Variants in DCC observed in about 807,000 individuals in gnomAD.
The protein encoded by DCC is DCC netrin 1 receptor.
A neutral mutation model predicts 172.5 loss-of-function variants in DCC; 58 were observed. That is an observed-to-expected ratio of 0.34 (90% CI 0.27 to 0.42). The LOEUF (loss-of-function observed/expected upper bound fraction) is 0.42. Ranked by LOEUF, DCC falls within the 10% of genes least tolerant of loss-of-function variation. DCC has a pLI of 1.00. For missense variants in DCC, 1,740 were observed against 1,791.0 expected, an observed-to-expected ratio of 0.97 and a Z score of 0.51; for synonymous variants, 709 against 644.5, an observed-to-expected ratio of 1.10 and a Z score of -1.52.
chr18:53,112,282 A>T (rs1437888436), intron 7 of DCC, among the ~76,000 whole-genome samples: 3 of 150,104 alleles, frequency 2.0e-5, no homozygotes, highest in African/African-American at 7.4e-5. Context: ...TTATAATACT[A>T]AAAAAAAAGT....
At chr18:53,501,481 T>C (rs1041090502) in intron 27 of DCC, among the ~76,000 whole-genome samples, 5 of 152,120 alleles carry the variant, frequency 3.3e-5, no homozygotes, top group African/African-American at 1.2e-4. Flanking sequence ...GAAGAAAAAA[T>C]CAAGAAACAT....
chr18:53,028,971 G>A lies in DCC; in HGVS notation c.986-34334G>A, dbSNP rs532748697. Among the ~76,000 whole-genome samples, 338 of 152,090 alleles carry A rather than the reference G, an allele frequency of 2.2e-3. 1 individual carries two copies. Among genetic ancestry groups the A allele is most frequent in the Non-Finnish European group, 3.6e-3 (248 of 68,022 alleles). ...CCATTTGAGCTATAGTTTTAAGAGG[G>A]AGAAATGCATATGAGCCATATTTTG... On this transcript the variant is annotated intron_variant, in intron 5 of 28. Coordinates refer to ENST00000442544, the MANE Select transcript of DCC (RefSeq NM_005215.4).
At chr18:53,026,291 T>G (rs1328317396) in intron 5 of DCC, among the ~76,000 whole-genome samples, 2 of 152,154 alleles carry the variant, frequency 1.3e-5, no homozygotes, top group East Asian at 1.9e-4. Flanking sequence ...CTTTCTTTTC[T>G]AATATGTAAT....
At chr18:52,524,551 A>G (rs1226045445) in intron 1 of DCC, among the ~76,000 whole-genome samples, 1 of 152,226 alleles carries the variant, frequency 6.6e-6, no homozygotes, top group Non-Finnish European at 1.5e-5. Context: ...TATTTGATCA[A>G]TCACTATTAC....
At chr18:53,442,081 C>T (rs997768511) in intron 22 of DCC, among the ~76,000 whole-genome samples, 2 of 152,184 alleles carry the variant, frequency 1.3e-5, no homozygotes, top group African/African-American at 4.8e-5. Flanking sequence ...CACCAACAGC[C>T]ATACATTCTC....
At chr18:53,086,004 C>CTTATTATTATTAT (rs1189833400) in intron 7 of DCC, among the ~76,000 whole-genome samples, 3 of 25,118 alleles carry the variant, frequency 1.2e-4, no homozygotes, top group Admixed American at 2.6e-4. Context: ...TCTCCTTCTT[C>CTTATTATTATTAT]TCCTTCTCCT....
At chr18:53,297,249 C>T (rs993561671) in intron 12 of DCC, among the ~76,000 whole-genome samples, 2 of 152,210 alleles carry the variant, frequency 1.3e-5, no homozygotes, top group African/African-American at 4.8e-5. Flanking sequence ...TTGGACATGA[C>T]TATCCCAGGC....
chr18:52,736,415 T>C (rs6508151), intron 1 of DCC, among the ~76,000 whole-genome samples: 84,810 of 151,238 alleles, frequency 0.56, 24,321 homozygotes, highest in African/African-American at 0.68. Context: ...ACCATCTTTG[T>C]GCAAGAGAAT....
chr18:53,169,917 G>C (rs532586174), intron 8 of DCC, among the ~76,000 whole-genome samples: 40 of 152,152 alleles, frequency 2.6e-4, no homozygotes, highest in Middle Eastern at 3.4e-3. Flanking sequence ...GGCTAGTGTT[G>C]GCCTATAGTG....
At chr18:53,299,421 T>C (rs1266192150) in intron 12 of DCC, among the ~76,000 whole-genome samples, 1 of 152,208 alleles carries the variant, frequency 6.6e-6, no homozygotes, top group African/African-American at 2.4e-5. Flanking sequence ...CTGAAGATGC[T>C]TGACGTTGTC....
chr18:52,631,840 T>C (rs2034683101), intron 1 of DCC, among the ~76,000 whole-genome samples: 1 of 152,188 alleles, frequency 6.6e-6, no homozygotes, highest in Non-Finnish European at 1.5e-5. Context: ...TCGAGTTCAT[T>C]TTAGAGGCTT....
intron 12 of DCC, among the ~76,000 whole-genome samples, chr18:53,278,251 G>A (rs2056829598): frequency 6.6e-6 from 1 of 152,042 alleles, no homozygotes; most frequent in Admixed American, 6.6e-5. Flanking sequence ...GTGAGAACGT[G>A]TGCTGTTCTC....
chr18:53,088,802 T>C (rs542399679), intron 7 of DCC, among the ~76,000 whole-genome samples: 2 of 152,336 alleles, frequency 1.3e-5, no homozygotes, highest in African/African-American at 4.8e-5. Context: ...GATTTTCTAT[T>C]ATTTTGTGTT....
In DCC at chr18:53,073,457, C is replaced by T. The variant is rs563785164; in HGVS notation, c.1261+7291C>T. On this transcript the variant is annotated intron_variant, in intron 7 of 28. Transcript: ENST00000442544. The stretch of plus-strand genomic sequence containing the variant: ...GGAGAATGGTATGAAACCTGGGGGG[C>T]GGAGCTTGCAGTGAGCCGAGATAGC... 3.9e-5 allele frequency among the ~76,000 whole-genome samples: 6 copies of T among 152,086 alleles called. No homozygotes were observed. The South Asian group carries it at 1.2e-3, about 32-fold the overall frequency.
intron 12 of DCC, among the ~76,000 whole-genome samples, chr18:53,296,528 G>A (rs758857451): frequency 7.2e-5 from 11 of 152,164 alleles, no homozygotes; most frequent in Non-Finnish European, 1.5e-4. Flanking sequence ...TGACCAGAAA[G>A]GTAACTGAGA....
intron 1 of DCC, among the ~76,000 whole-genome samples, chr18:52,438,092 C>A (rs1295918851): frequency 6.6e-6 from 1 of 152,182 alleles, no homozygotes; most frequent in Non-Finnish European, 1.5e-5. Flanking sequence ...TTGCTGCTAA[C>A]CATTCCCAGT....
At chr18:53,428,353 ATG>A (rs1491255804) in intron 21 of DCC, among the ~76,000 whole-genome samples, 24 of 56,006 alleles carry the variant, frequency 4.3e-4, no homozygotes, top group Admixed American at 2.5e-3. Context: ...AATATAATAT[ATG>A]TTGTATATAA....
At position 53,526,716 on chromosome 18, in the gene DCC, A is replaced by C; in HGVS notation, c.4211A>C (p.Glu1404Ala). 6.2e-7 allele frequency: 1 copy of C among 1,613,556 alleles called. No individual in the cohort carries two copies. Among genetic ancestry groups the C allele is most frequent in the Non-Finnish European group, 8.5e-7 (1 of 1,179,674 alleles). Residue 1404 changes from glutamate to alanine, a missense_variant, in exon 28 of 29, where the codon GAA (glutamate) becomes GCA (alanine). Transcript: ENST00000442544. ...LLPVSVPTAP[E>A]VSEESHKPTE... ...CCTGTGTCTGTGCCAACAGCCCCTG[A>C]AGTGTCTGAGGAGAGCCACAAACCA...
intron 1 of DCC, among the ~76,000 whole-genome samples, chr18:52,564,716 A>G (rs1671289): frequency 1.3e-5 from 2 of 149,444 alleles, no homozygotes; most frequent in Admixed American, 1.3e-4. Flanking sequence ...TGACAGTTGG[A>G]GAGTCACTTA....
Sources: allele counts gnomAD v4.1 joint callset (sites outside exome capture counted in the v4.1 genomes callset), GRCh38; gene constraint gnomAD v4.1.1; transcripts MANE v1.5; gene names NCBI Gene and HGNC (gene_info 2026-07-23, HGNC 2026-07-21).